SPTB: variants seen among roughly 807,000 people sequenced by gnomAD.
The protein encoded by SPTB is spectrin beta, erythrocytic.
In SPTB, 45 loss-of-function variants were observed where a neutral mutation model predicts 256.2. The observed-to-expected ratio is 0.18, with a 90% CI of 0.14 to 0.23. SPTB has a LOEUF of 0.23. Ranked by LOEUF, SPTB falls within the 10% of genes least tolerant of loss-of-function variation. SPTB has a pLI of 1.00. For missense variants in SPTB, 2,715 were observed against 3,040.4 expected (o/e 0.89, Z 2.52); for synonymous variants, 1,231 against 1,243.1 (o/e 0.99, Z 0.21).
At position 64,796,693 on chromosome 14, in the gene SPTB, G is replaced by A. The variant is rs780076416; in HGVS notation, c.1205C>T (p.Ala402Val). The A allele has an allele frequency of 1.2e-6, 2 of 1,614,190 alleles. No homozygotes were observed. Among genetic ancestry groups the A allele is most frequent in the Admixed American group, 1.7e-5 (1 of 60,030 alleles). Reference sequence around the variant, plus strand: ...CAGGGCCAGCTCCCGCCGATACTCAGCTTCCTCCAGGCTTTCCCAGGCCTG... The same window carrying A: ...CAGGGCCAGCTCCCGCCGATACTCAACTTCCTCCAGGCTTTCCCAGGCCTG... ...INRAWESLEE[A>V]EYRRELALRN... The change falls in exon 11 of 36, where the codon GCT (alanine) becomes GTT (valine). Residue 402 changes from alanine to valine, a missense_variant. By Grantham distance (64) the Ala-to-Val change is moderately conservative. Coordinates refer to ENST00000644917, the MANE Select transcript of SPTB (RefSeq NM_001355436.2). The surrounding 1 kb of genome is among the most constrained non-coding windows in gnomAD (Gnocchi z 4.1).
chr14:64,878,696 A>G lies in SPTB; in HGVS notation c.-52+1096T>C, dbSNP rs1157069692. On this transcript the variant is annotated intron_variant, in intron 1 of 35. Coordinates refer to ENST00000644917, the MANE Select transcript of SPTB (RefSeq NM_001355436.2). ...GACTACCTCCAGGCAGGGGTTTTGC[A>G]TGACTGCCTCCTACCTGGAGGTGAC... Among the ~76,000 whole-genome samples the G allele has an allele frequency of 2.6e-5, 4 of 152,094 alleles. No homozygotes were observed. The East Asian group carries it at 7.7e-4, about 29-fold the overall frequency.
At chr14:64,838,755 T>A (rs1413378730) in intron 1 of SPTB, among the ~76,000 whole-genome samples, 3 of 152,156 alleles carry the variant, frequency 2.0e-5, no homozygotes, top group Non-Finnish European at 2.9e-5. Flanking sequence ...AAATTAAACA[T>A]ACCATATTTA....
chr14:64,825,814 T>C lies in SPTB; in HGVS notation c.-51-2669A>G, dbSNP rs893538499. 1.3e-4 allele frequency among the ~76,000 whole-genome samples: 20 copies of C among 152,214 alleles called. No homozygotes were observed. Among genetic ancestry groups the C allele is most frequent in the African/African-American group, 4.6e-4 (19 of 41,444 alleles). ...GCAGGCCCAGCGTTCAAGACAAGAT[T>C]GATGGCCCCGGGTGCAGAAGAGCAG... On this transcript the variant is annotated intron_variant, in intron 1 of 35. Transcript: ENST00000644917. This position sits in a 1 kb window ranked among gnomAD's most constrained non-coding sequence, Gnocchi z 4.8.
intron 15 of SPTB, among the ~76,000 whole-genome samples, chr14:64,789,358 A>T (rs1243624880): frequency 6.6e-6 from 1 of 152,172 alleles, no homozygotes; most frequent in African/African-American, 2.4e-5. Context: ...TCTCTATAAA[A>T]AATTAATTAA....
chr14:64,865,210 C>A (rs1487894818), intron 1 of SPTB, among the ~76,000 whole-genome samples: 3 of 152,026 alleles, frequency 2.0e-5, no homozygotes, highest in Non-Finnish European at 4.4e-5. Context: ...GTAATGATCA[C>A]TTGCCAACAA....
In SPTB at chr14:64,792,551, T is replaced by C. The variant is rs2082691815; in HGVS notation, c.2666+446A>G. 6.6e-6 allele frequency among the ~76,000 whole-genome samples: 1 copy of C among 151,746 alleles called. No individual in the cohort carries two copies. The highest frequency in any genetic ancestry group is 2.4e-5 in the African/African-American group (1 of 41,298). On this transcript the variant is annotated intron_variant, in intron 14 of 35. Transcript: ENST00000644917. This position sits in a 1 kb window ranked among gnomAD's most constrained non-coding sequence, Gnocchi z 4.2. ...AAAATCAGAACACCAGGGGTGAGAG[T>C]GGCCTTGCAGACAGGGGGTTTGCAA...
chr14:64,834,088 G>A (rs540946092), intron 1 of SPTB, among the ~76,000 whole-genome samples: 3 of 150,412 alleles, frequency 2.0e-5, no homozygotes, highest in African/African-American at 4.9e-5. Context: ...GTGCAGTGGC[G>A]CTATCTCGGC....
intron 19 of SPTB, among the ~76,000 whole-genome samples, chr14:64,783,766 C>A (rs1376534988): frequency 1.3e-5 from 2 of 152,120 alleles, no homozygotes; most frequent in Non-Finnish European, 2.9e-5. Flanking sequence ...GTCCACTGGG[C>A]AAACTCACTA....
At chr14:64,780,016 T>A in intron 20 of SPTB, 85 bp from the exon 21 acceptor site, 1 of 1,218,404 alleles carries the variant, frequency 8.2e-7, no homozygotes, top group Non-Finnish European at 1.2e-6. Context: ...ATCCCACCCA[T>A]CCTTTAAGGC....
chr14:64,875,281 G>A (rs1047503971), intron 1 of SPTB, among the ~76,000 whole-genome samples: 8 of 152,316 alleles, frequency 5.3e-5, no homozygotes, highest in African/African-American at 1.7e-4. Context: ...CTAAGACTAC[G>A]TGAGCTATAA....
At chr14:64,861,929 T>C (rs749057233) in intron 1 of SPTB, among the ~76,000 whole-genome samples, 5 of 152,248 alleles carry the variant, frequency 3.3e-5, no homozygotes, top group African/African-American at 7.2e-5. Flanking sequence ...CTCATTGTGC[T>C]GTGATATCAC....
At chr14:64,804,574 A>G (rs1285029353) in intron 3 of SPTB, among the ~76,000 whole-genome samples, 1 of 152,182 alleles carries the variant, frequency 6.6e-6, no homozygotes, top group African/African-American at 2.4e-5. Flanking sequence ...GGTAAAACAC[A>G]CAGTAAAATG....
chr14:64,807,081 T>G lies in SPTB; in HGVS notation c.149-1991A>C, dbSNP rs2082998180. Among the ~76,000 whole-genome samples, 1 of 152,186 alleles carries G rather than the reference T, an allele frequency of 6.6e-6. No individual in the cohort carries two copies. Among genetic ancestry groups the G allele is most frequent in the African/African-American group, 2.4e-5 (1 of 41,446 alleles). On this transcript the variant is annotated intron_variant, in intron 2 of 35. Transcript: ENST00000644917. This position sits in a 1 kb window ranked among gnomAD's most constrained non-coding sequence, Gnocchi z 4.7. ...GCAATTGCACTTATTTTGGGGCATT[T>G]TTAGATTCAACAGAGCCAGCCACAG...
chr14:64,826,440 T>C lies in SPTB; in HGVS notation c.-51-3295A>G, dbSNP rs1237399944. ...TGAATGGGGAGTCATGGAAATGACA[T>C]TTAAGTTGCTACCTGGGAGGAACTT... On this transcript the variant is annotated intron_variant, in intron 1 of 35. Coordinates refer to ENST00000644917, the MANE Select transcript of SPTB (RefSeq NM_001355436.2). This position sits in a 1 kb window ranked among gnomAD's most constrained non-coding sequence, Gnocchi z 4.4. 6.6e-6 allele frequency among the ~76,000 whole-genome samples: 1 copy of C among 152,186 alleles called. No individual in the cohort carries two copies. The highest frequency in any genetic ancestry group is 1.5e-5 in the Non-Finnish European group (1 of 68,016).
chr14:64,755,630 T>A (rs1300615035), intron 32 of SPTB: 1 of 152,108 alleles, frequency 6.6e-6, no homozygotes, highest in Non-Finnish European at 1.5e-5. Flanking sequence ...CAGATAAATA[T>A]GAGCAGGTGG....
At chr14:64,797,491 AAAAAAAAAAAAGG>A (rs2082795645) in intron 10 of SPTB, among the ~76,000 whole-genome samples, 1 of 146,908 alleles carries the variant, frequency 6.8e-6, no homozygotes, top group Non-Finnish European at 1.5e-5. Context: ...AAAAAAAAAA[AAAAAAAAAAAAGG>A]ACTCAGGGAT....
Position 64,765,017 on chromosome 14 carries a change from A to AGTGTGTGC in SPTB, c.6345+1701_6345+1708dup, listed in dbSNP as rs1555366129. On this transcript the variant is annotated intron_variant, in intron 32 of 35. Transcript: ENST00000644917. ...CTGGCCAGGCTGGAGGCCACAGAGG[A>AGTGTGTGC]GTGTGTGCGTGTGTGTGTGTGTGTG... Among the ~76,000 whole-genome samples the AGTGTGTGC allele has an allele frequency of 1.8e-3, 197 of 108,856 alleles. 1 individual carries two copies. The highest frequency in any genetic ancestry group is 7.1e-3 in the African/African-American group (186 of 26,074). 71.4% of individuals were successfully genotyped at this position (108,856 alleles called of 152,430 possible).
intron 32 of SPTB, among the ~76,000 whole-genome samples, chr14:64,762,014 A>G (rs973488161): frequency 5.3e-5 from 8 of 152,286 alleles, no homozygotes; most frequent in African/African-American, 1.4e-4. Flanking sequence ...GGGGCCAGGA[A>G]TATTAAATCT....
Position 64,747,545 on chromosome 14 carries a change from C to G in SPTB, c.*1761G>C, listed in dbSNP as rs2081866254. 1.3e-5 allele frequency: 2 copies of G among 152,548 alleles called. No individual in the cohort carries two copies. Among genetic ancestry groups the G allele is most frequent in the Non-Finnish European group, 2.9e-5 (2 of 68,058 alleles). 9.4% of individuals were successfully genotyped at this position (152,548 alleles called of 1,614,324 possible). On this transcript the variant is annotated 3_prime_UTR_variant, in exon 36 of 36. Coordinates refer to ENST00000644917, the MANE Select transcript of SPTB (RefSeq NM_001355436.2). Reference sequence around the variant, plus strand: ...ACGTCTTCCTTCCTGTGGCTCCTGCCTGCTGCAGTTGGTGTCACCCTGACA... The same window carrying G: ...ACGTCTTCCTTCCTGTGGCTCCTGCGTGCTGCAGTTGGTGTCACCCTGACA...
Sources: gnomAD v4.1 joint callset for allele counts (sites outside exome capture counted in the v4.1 genomes callset) on GRCh38, gnomAD v4.1.1 for gene constraint, Gnocchi (gnomAD v3.1) non-coding constraint, MANE v1.5 for transcripts, NCBI Gene and HGNC (gene_info 2026-07-23, HGNC 2026-07-21) for gene names.